TMPRSS9: variants seen among roughly 807,000 people sequenced by gnomAD.
The protein encoded by TMPRSS9 is transmembrane serine protease 9.
In TMPRSS9, 113 loss-of-function variants were observed where a neutral mutation model predicts 111.4. The observed-to-expected ratio is 1.01, with a 90% CI of 0.87 to 1.19. The LOEUF is 1.19. Among genes scored for constraint, TMPRSS9 ranks in the 50% most tolerant of loss-of-function variants. The pLI is 0.00. For missense variants in TMPRSS9, 1,803 were observed against 1,513.1 expected (o/e 1.19, Z -3.18); for synonymous variants, 805 against 659.1 (o/e 1.22, Z -3.39).
intron 13 of TMPRSS9, among the ~76,000 whole-genome samples, chr19:2,419,049 A>T (rs62120758): frequency 0.091 from 2 of 22 alleles, no homozygotes; most frequent in South Asian, 0.25. Flanking sequence ...CTTCCCTCCC[A>T]CCCTCTCCTT....
chr19:2,422,307 C>T, intron 14 of TMPRSS9, 60 bp downstream of exon 15: 1 of 1,470,978 alleles, frequency 6.8e-7, no homozygotes, highest in Non-Finnish European at 8.9e-7. Flanking sequence ...TCAGCCTGGG[C>T]TGCCTAACAA....
chr19:2,392,758 T>C (rs528014081), intron 1 of TMPRSS9, among the ~76,000 whole-genome samples: 12 of 152,144 alleles, frequency 7.9e-5, no homozygotes, highest in Non-Finnish European at 1.5e-4. Flanking sequence ...TCAAGGTTTA[T>C]AAACACACCA....
At chr19:2,410,431 G>C in intron 9 of TMPRSS9, 37 bp downstream of exon 10, 1 of 1,609,794 alleles carries the variant, frequency 6.2e-7, no homozygotes. Context: ...GAAAAACACA[G>C]AAATAGACAC....
chr19:2,414,847 C>T (rs968332764), intron 10 of TMPRSS9, among the ~76,000 whole-genome samples: 1 of 150,426 alleles, frequency 6.6e-6, no homozygotes, highest in African/African-American at 2.5e-5. Flanking sequence ...TGCACTCCAG[C>T]CCGGGCAACA....
rs1199956348 is a variant in TMPRSS9, at chr19:2,390,266, A to T, written c.142+339A>T. On this transcript the variant is annotated intron_variant, in intron 1 of 17. Transcript: ENST00000648592. The stretch of plus-strand genomic sequence containing the variant: ...TTGTTTTTTTTTTTTTTTGAGACGG[A>T]GTCTCTCTCTGTCGCCCAGGCTGGA... Among the ~76,000 whole-genome samples, 14 of 83,350 alleles carry T rather than the reference A, an allele frequency of 1.7e-4. 1 individual carries two copies. Among genetic ancestry groups the T allele is most frequent in the Non-Finnish European group, 2.9e-4 (12 of 41,862 alleles). 54.7% of individuals were successfully genotyped at this position (83,350 alleles called of 152,430 possible). A position where few individuals can be genotyped will look rare whatever the true frequency, so the allele number is the denominator to read the frequency against.
At chr19:2,399,808 C>T (rs1970792240) in intron 4 of TMPRSS9, among the ~76,000 whole-genome samples, 1 of 152,094 alleles carries the variant, frequency 6.6e-6, no homozygotes, top group Non-Finnish European at 1.5e-5. Flanking sequence ...GCTTCTGCCT[C>T]CCAGGTTCAA....
exon 12 of TMPRSS9, chr19:2,416,677 G>A: frequency 6.2e-7 from 1 of 1,613,122 alleles, no homozygotes; most frequent in Admixed American, 1.7e-5. Context: ...CGACCTGGCT[G>A]TCCTGGAGCT....
At chr19:2,385,260 A>AT (rs1210513415), upstream of TMPRSS9, among the ~76,000 whole-genome samples, 3 of 150,638 alleles carry the variant, frequency 2.0e-5, no homozygotes, top group African/African-American at 7.3e-5. Context: ...AGGAGGAGGG[A>AT]TCCCAGTGCT....
rs146547782 is a variant in TMPRSS9 at position 2,423,305 on chromosome 19, G to A, written c.2549-784G>A. 4.6e-5 allele frequency among the ~76,000 whole-genome samples: 7 copies of A among 152,124 alleles called. 1 individual carries two copies. Among genetic ancestry groups the A allele is most frequent in the Middle Eastern group, 3.4e-3 (1 of 294 alleles). On this transcript the variant is annotated intron_variant, in intron 14 of 17. Transcript: ENST00000648592. ...AAATACAGGCGGGTTCTGTGTGGAGGTAGCTGGTGTTCCCAAGGACAGCGG... is the reference window on the plus strand; with the variant it reads ...AAATACAGGCGGGTTCTGTGTGGAGATAGCTGGTGTTCCCAAGGACAGCGG...
Position 2,415,814 on chromosome 19 carries a change from T to C in TMPRSS9, c.1718T>C (p.Leu573Pro), listed in dbSNP as rs777820527. ...GCAACTGTGGTGGGGGACCGCTGGC[T>C]GCTGTCTGCCGCCCACTGCTTCAAC... The change falls in exon 11 of 18, where the codon CTG (leucine) becomes CCG (proline). Residue 573 changes from leucine (L) to proline (P), a missense_variant. Physicochemically the swap from Leu to Pro is moderately conservative, Grantham distance 98 (BLOSUM62 -3). Transcript: ENST00000648592. 7 of 1,601,494 alleles carry C rather than the reference T, an allele frequency of 4.4e-6. No individual in the cohort carries two copies. In the East Asian group the frequency reaches 1.4e-4, roughly 31 times the overall value.
chr19:2,389,692 CT>C, upstream of TMPRSS9: 1 of 1,467,750 alleles, frequency 6.8e-7, no homozygotes, highest in Non-Finnish European at 9.1e-7. Context: ...AGTTGCAACC[CT>C]TGCTTATGGG....
intron 13 of TMPRSS9, among the ~76,000 whole-genome samples, chr19:2,421,434 G>A (rs150322866): frequency 0.025 from 3,822 of 151,458 alleles, 138 homozygotes; most frequent in African/African-American, 0.085. Context: ...AACTACAGGC[G>A]CCCACCACCA....
intron 7 of TMPRSS9, among the ~76,000 whole-genome samples, chr19:2,406,409 C>T (rs564043493): frequency 4.9e-4 from 74 of 152,006 alleles, no homozygotes; most frequent in African/African-American, 1.7e-3. Context: ...TCACTGCAAC[C>T]TCCACCTCCT....
intron 11 of TMPRSS9, 66 bp from the exon 13 acceptor site, chr19:2,416,472 T>G: frequency 6.5e-7 from 1 of 1,548,976 alleles, no homozygotes. Flanking sequence ...GCATCAGCCC[T>G]GTCCCTCCCC....
chr19:2,394,614 C>G (rs1316321132), intron 1 of TMPRSS9, among the ~76,000 whole-genome samples: 1 of 151,968 alleles, frequency 6.6e-6, no homozygotes, highest in East Asian at 1.9e-4. Flanking sequence ...GTTTCTTGAA[C>G]GAGAAAACAT....
exon 2 of TMPRSS9, chr19:2,396,661 G>A (rs746597434): frequency 3.7e-6 from 6 of 1,608,178 alleles, no homozygotes; most frequent in Non-Finnish European, 5.1e-6. Context: ...CACCCTGGAG[G>A]CACTGGTGAG....
At chr19:2,378,486 A>C (rs1222729871) in intron 1 of TMPRSS9, among the ~76,000 whole-genome samples, 3 of 151,794 alleles carry the variant, frequency 2.0e-5, no homozygotes, top group Non-Finnish European at 4.4e-5. Context: ...TTGGGAGGCC[A>C]AGGTGAGTGG....
chr19:2,383,557 G>C (rs1287456991), intron 1 of TMPRSS9, among the ~76,000 whole-genome samples: 1 of 149,262 alleles, frequency 6.7e-6, no homozygotes, highest in African/African-American at 2.5e-5. Context: ...GGCTGGTCTT[G>C]AGCTCTGGGC....
chr19:2,374,248 C>CTTTTT lies in TMPRSS9; in HGVS notation c.-26+13921_-26+13925dup, dbSNP rs1027376774. On this transcript the variant is annotated intron_variant, in intron 1 of 17. Transcript: ENST00000649857. The stretch of plus-strand genomic sequence containing the variant: ...TTTCATGCTGATTTCTCTCAACAAT[C>CTTTTT]TTTTTTTTTTTTTTTTTTTTTTTTT... Among the ~76,000 whole-genome samples the CTTTTT allele has an allele frequency of 9.8e-4, 69 of 70,432 alleles. 14 individuals are homozygous for CTTTTT. The highest frequency in any genetic ancestry group is 1.8e-3 in the Non-Finnish European group (64 of 36,544). 46.2% of individuals were successfully genotyped at this position (70,432 alleles called of 152,430 possible).
Sources: allele counts gnomAD v4.1 joint callset (sites outside exome capture counted in the v4.1 genomes callset), GRCh38; gene constraint gnomAD v4.1.1; transcripts MANE v1.5; gene names NCBI Gene and HGNC (gene_info 2026-07-23, HGNC 2026-07-21).